Variants in ZFPM1 observed in about 807,000 individuals in gnomAD.
The protein encoded by ZFPM1 is zinc finger protein, FOG family member 1, also known as zinc finger protein ZFPM1.
Under a neutral mutation model 46.3 loss-of-function variants are expected in ZFPM1, and 28 were observed. The ratio of observed to expected loss-of-function variants is 0.60; its 90% CI spans 0.45 to 0.83. ZFPM1 has a LOEUF of 0.83. Ranked by LOEUF, ZFPM1 falls within the 40% of genes least tolerant of loss-of-function variation. The pLI is 0.00. For synonymous variants in ZFPM1, 957 were observed against 675.9 expected (o/e 1.42, Z -6.45); for missense variants, 1,878 against 1,432.4 (o/e 1.31, Z -5.02).
Position 88,534,177 on chromosome 16 carries a change from C to G in ZFPM1, c.2219C>G (p.Thr740Arg). 1.0e-6 allele frequency: 1 copy of G among 991,754 alleles called. No homozygotes were observed. Among genetic ancestry groups the G allele is most frequent in the Non-Finnish European group, 1.2e-6 (1 of 836,702 alleles). 61.4% of individuals were successfully genotyped at this position (991,754 alleles called of 1,614,324 possible). ...PAPSPAAPVR[T>R]RRRRKLYELH... ...CCCTCTCCCGCCGCGCCTGTGCGCA[C>G]GCGCAGACGCCGCAAGCTCTACGAG... Residue 740 changes from threonine (T) to arginine (R), a missense_variant, in exon 10 of 10, where the codon ACG becomes AGG. By Grantham distance (71) the Thr-to-Arg change is moderately conservative. Coordinates refer to ENST00000319555, the MANE Select transcript of ZFPM1 (RefSeq NM_153813.3).
At chr16:88,503,049 G>T (rs940514128) in intron 3 of ZFPM1, among the ~76,000 whole-genome samples, 1 of 152,276 alleles carries the variant, frequency 6.6e-6, no homozygotes, top group Non-Finnish European at 1.5e-5. Flanking sequence ...CAGGGGCGCT[G>T]CTCCGCGGGG....
At chr16:88,491,075 G>GGGGGTCT in intron 3 of ZFPM1, among the ~76,000 whole-genome samples, 1 of 151,848 alleles carries the variant, frequency 6.6e-6, no homozygotes, top group South Asian at 2.1e-4. Context: ...TGGTGCCTTC[G>GGGGGTCT]CGGGTCCCAG....
chr16:88,535,039 G>A lies in ZFPM1; in HGVS notation c.*60G>A, dbSNP rs1913181024. 2.2e-6 allele frequency: 3 copies of A among 1,349,060 alleles called. No homozygotes were observed. Among genetic ancestry groups the A allele is most frequent in the Non-Finnish European group, 1.9e-6 (2 of 1,043,404 alleles). 83.6% of individuals were successfully genotyped at this position (1,349,060 alleles called of 1,614,324 possible). ...CCCGCTGCGATGCGGGGAGGGGGCC[G>A]CCCCCAGGCCGCACGGACTGCCGCT... On this transcript the variant is annotated 3_prime_UTR_variant, in exon 10 of 10. Transcript: ENST00000319555.
At chr16:88,502,423 T>G (rs4782371) in intron 3 of ZFPM1, among the ~76,000 whole-genome samples, 54,361 of 151,950 alleles carry the variant, frequency 0.36, 10,126 homozygotes, top group East Asian at 0.47. Flanking sequence ...GCCTCTGTGC[T>G]TGCCCCTCCA....
chr16:88,484,905 G>T (rs1329581669), intron 1 of ZFPM1, among the ~76,000 whole-genome samples: 3 of 152,230 alleles, frequency 2.0e-5, no homozygotes, highest in African/African-American at 7.2e-5. Flanking sequence ...CACCTGTCAG[G>T]TGGACTCCTG....
chr16:88,531,924 G>A, intron 6 of ZFPM1, 78 bp from the exon 7 acceptor site: 2 of 1,415,666 alleles, frequency 1.4e-6, no homozygotes, highest in South Asian at 1.3e-5. Flanking sequence ...TCACGGCCAG[G>A]CCCTGCCTCC....
At chr16:88,500,101 G>A (rs953570586) in intron 3 of ZFPM1, among the ~76,000 whole-genome samples, 17 of 152,116 alleles carry the variant, frequency 1.1e-4, no homozygotes, top group African/African-American at 3.6e-4. Flanking sequence ...TTCCTCCTCC[G>A]CCCTCCCACC....
At chr16:88,504,310 T>C (rs1334016250) in intron 3 of ZFPM1, among the ~76,000 whole-genome samples, 2 of 152,064 alleles carry the variant, frequency 1.3e-5, no homozygotes, top group Non-Finnish European at 2.9e-5. Context: ...CAGCCACCAA[T>C]AGGACAAGGC....
At chr16:88,496,344 G>T (rs1909929366) in intron 3 of ZFPM1, among the ~76,000 whole-genome samples, 1 of 152,110 alleles carries the variant, frequency 6.6e-6, no homozygotes, top group South Asian at 2.1e-4. Context: ...CTGGATAGGA[G>T]AGGGAGGGCA....
At chr16:88,453,197 A>C, upstream of ZFPM1, 3 of 128,288 alleles carry the variant, frequency 2.3e-5, no homozygotes, top group South Asian at 2.6e-4. Flanking sequence ...GGCAGGAGGC[A>C]CGGGGCGGGG....
chr16:88,455,132 G>GGTGTGT (rs4047261), intron 1 of ZFPM1, among the ~76,000 whole-genome samples: 2,307 of 141,726 alleles, frequency 0.016, 11 homozygotes, highest in East Asian at 0.03. Context: ...TCGGTTCTGG[G>GGTGTGT]GTGTGTGTGT....
chr16:88,521,078 G>A (rs1911845438), intron 4 of ZFPM1, among the ~76,000 whole-genome samples: 1 of 111,638 alleles, frequency 9.0e-6, no homozygotes, highest in Non-Finnish European at 2.1e-5. Flanking sequence ...TGGGTGGATG[G>A]ATGATTAGGT....
intron 5 of ZFPM1, 146 bp downstream of exon 5, chr16:88,527,062 T>A (rs1465826818): frequency 1.5e-6 from 2 of 1,309,608 alleles, no homozygotes; most frequent in East Asian, 5.1e-5. Context: ...CGCTGCAGCA[T>A]GAGGCAGACA....
Position 88,534,346 on chromosome 16 carries a change from C to T in ZFPM1, c.2388C>T (p.Asp796=), listed in dbSNP as rs1481716964. The T allele has an allele frequency of 5.0e-5, 70 of 1,404,174 alleles. No individual in the cohort carries two copies. Among genetic ancestry groups the T allele is most frequent in the Non-Finnish European group, 5.6e-5 (61 of 1,080,862 alleles). The allele number at this position is 1,404,174 out of a possible 1,614,324, so 87.0% of individuals were successfully genotyped here. ...SPGPAADGPI[D]LSKKPRRPLP... is the part of the protein sequence containing the mutation. ...GCCCCGCGGCCGACGGCCCCATCGA[C>T]CTGAGCAAGAAGCCGCGGCGCCCGC... is the stretch of plus-strand genomic sequence containing the variant. Residue 796 remains aspartate (D), a synonymous_variant, in exon 10 of 10, where the codon GAC becomes GAT. Transcript: ENST00000319555.
At chr16:88,461,014 G>GCGGGAGGCC (rs1907819826) in intron 1 of ZFPM1, among the ~76,000 whole-genome samples, 5 of 71,504 alleles carry the variant, frequency 7.0e-5, no homozygotes, top group African/African-American at 2.5e-4. Context: ...GGACCGAGGG[G>GCGGGAGGCC]TGGGGCGGGA....
At chr16:88,493,184 GA>G (rs1909700728) in intron 3 of ZFPM1, among the ~76,000 whole-genome samples, 2 of 110,640 alleles carry the variant, frequency 1.8e-5, no homozygotes, top group Admixed American at 2.0e-4. Flanking sequence ...GGAGTGAGGA[GA>G]GCTGTCCCAG....
At chr16:88,491,074 C>T (rs1909544113) in intron 3 of ZFPM1, among the ~76,000 whole-genome samples, 1 of 151,568 alleles carries the variant, frequency 6.6e-6, no homozygotes, top group Non-Finnish European at 1.5e-5. Flanking sequence ...CTGGTGCCTT[C>T]GCGGGTCCCA....
chr16:88,475,829 C>T (rs527808249), intron 1 of ZFPM1, among the ~76,000 whole-genome samples: 79 of 152,314 alleles, frequency 5.2e-4, no homozygotes, highest in Non-Finnish European at 9.3e-4. Context: ...CTGGGACGCA[C>T]GCGTGCAGGA....
At chr16:88,483,949 C>T (rs544571493) in intron 1 of ZFPM1, among the ~76,000 whole-genome samples, 3 of 152,328 alleles carry the variant, frequency 2.0e-5, no homozygotes, top group South Asian at 2.1e-4. Context: ...CTCCTTCTCT[C>T]GCATCTTCGG....
Sources: gnomAD v4.1 joint callset for allele counts (sites outside exome capture counted in the v4.1 genomes callset) on GRCh38, gnomAD v4.1.1 for gene constraint, MANE v1.5 for transcripts, NCBI Gene and HGNC (gene_info 2026-07-23, HGNC 2026-07-21) for gene names.